Variants in DST observed in about 807,000 individuals in gnomAD.
DST encodes the protein bullous pemphigoid antigen.
Under a neutral mutation model 875.2 loss-of-function variants are expected in DST, and 253 were observed. The ratio of observed to expected loss-of-function variants is 0.29; its 90% CI spans 0.26 to 0.32. The LOEUF (loss-of-function observed/expected upper bound fraction) is 0.32, where lower values mean the gene tolerates loss of function less well. Among genes scored for constraint, DST ranks in the 10% least tolerant of loss-of-function variants. DST has a pLI of 1.00. For missense variants in DST, 8,287 were observed against 9,111.6 expected, an observed-to-expected ratio of 0.91 and a Z score of 3.68; for synonymous variants, 3,124 against 3,197.1, an observed-to-expected ratio of 0.98 and a Z score of 0.77.
intron 9 of DST, among the ~76,000 whole-genome samples, chr6:56,673,763 T>C (rs1388746528): frequency 6.6e-6 from 1 of 152,228 alleles, no homozygotes; most frequent in African/African-American, 2.4e-5. Context: ...TTACAATGCA[T>C]ATGCAAATGT....
chr6:56,583,464 T>C (rs1337695163), intron 49 of DST, among the ~76,000 whole-genome samples: 1 of 152,188 alleles, frequency 6.6e-6, no homozygotes, highest in African/African-American at 2.4e-5. Flanking sequence ...TCCCGTAAAT[T>C]TGTTGGAGTT....
intron 96 of DST, 30 bp downstream of exon 96, chr6:56,470,098 T>C (rs771604874): frequency 3.7e-6 from 6 of 1,610,216 alleles, no homozygotes. Context: ...ATACTATCAG[T>C]GTTGTACGCA....
At chr6:56,544,439 G>A (rs1031221679) in intron 61 of DST, among the ~76,000 whole-genome samples, 2 of 152,176 alleles carry the variant, frequency 1.3e-5, no homozygotes, top group African/African-American at 4.8e-5. Context: ...GCTAAGAGGA[G>A]CAACATATAA....
chr6:56,924,042 T>G (rs1428946830), intron 2 of DST, among the ~76,000 whole-genome samples: 1 of 152,088 alleles, frequency 6.6e-6, no homozygotes, highest in Non-Finnish European at 1.5e-5. Context: ...TTGAATCGCT[T>G]GAGCCTGGGA....
At chr6:56,513,476 T>G (rs937727488) in intron 72 of DST, among the ~76,000 whole-genome samples, 2 of 152,150 alleles carry the variant, frequency 1.3e-5, no homozygotes, top group Admixed American at 1.3e-4. Context: ...GTGGTCCACC[T>G]GCCTCGGCCT....
intron 4 of DST, among the ~76,000 whole-genome samples, chr6:56,783,635 G>A (rs1055402321): frequency 2.0e-5 from 3 of 151,966 alleles, no homozygotes; most frequent in African/African-American, 7.3e-5. Flanking sequence ...CGTGAGATGG[G>A]TTTCCTGAAT....
In DST at chr6:56,606,217, T is replaced by C; in HGVS notation, c.8411A>G (p.Gln2804Arg). Residue 2804 changes from glutamine to arginine, a missense_variant, in exon 40 of 104, where the codon CAG becomes CGG. Physicochemically the swap from Gln to Arg is conservative, Grantham distance 43. Coordinates refer to ENST00000680361, the MANE Select transcript of DST (RefSeq NM_001374736.1). Reference protein sequence around the residue: ...YGDYIYDSNDQDDDDDDGIDE... With the variant: ...YGDYIYDSNDRDDDDDDGIDE... ...AATGCCATCATCATCATCGTCATCC[T>C]GATCATTACTGTCATATATATAATC... 6.4e-7 allele frequency: 1 copy of C among 1,569,584 alleles called. No homozygotes were observed. Among genetic ancestry groups the C allele is most frequent in the Non-Finnish European group, 8.7e-7 (1 of 1,155,308 alleles).
At chr6:56,616,204 C>G (rs748272410) in intron 36 of DST, 1 of 1,614,178 alleles carries the variant, frequency 6.2e-7, no homozygotes, top group South Asian at 1.1e-5. Flanking sequence ...TGAGGCCTTC[C>G]TGATACTTTT....
chr6:56,494,061 A>C lies in DST; in HGVS notation c.20343T>G (p.Asn6781Lys). ...CCGATTCCCATTTTTCTTTCAAGTTATTTATGTCTTGGTCAATATTTGTCT... is the reference window on the plus strand; with the variant it reads ...CCGATTCCCATTTTTCTTTCAAGTTCTTTATGTCTTGGTCAATATTTGTCT... ...SAETNIDQDI[N>K]NLKEKWESVE... The change falls in exon 83 of 104, where the codon AAT becomes AAG. Residue 6781 changes from asparagine to lysine, a missense_variant. Asn to Lys is a moderately conservative substitution (Grantham distance 94, BLOSUM62 0). Around this residue, in one of 10 missense-constraint regions of DST, gnomAD observed 1,292 missense variants for 1,552.7 expected, o/e 0.83. Transcript: ENST00000680361. 1 of 1,606,698 alleles carries C rather than the reference A, an allele frequency of 6.2e-7. No homozygotes were observed. The highest frequency in any genetic ancestry group is 8.5e-7 in the Non-Finnish European group (1 of 1,176,332).
chr6:56,645,903 G>C lies in DST; in HGVS notation c.1741C>G (p.Leu581Val), dbSNP rs1404509922. The C allele has an allele frequency of 6.2e-7, 1 of 1,613,776 alleles. No individual in the cohort carries two copies. Among genetic ancestry groups the C allele is most frequent in the Admixed American group, 1.7e-5 (1 of 59,988 alleles). The part of the protein sequence containing the change: ...KEWGKLIIAM[L>V]EREKALRPEV... ...GGACGAAGGGCCTTCTCTCTCTCTAGCATGGCAATAATGAGTTTCCCCCAC... is the reference window on the plus strand; with the variant it reads ...GGACGAAGGGCCTTCTCTCTCTCTACCATGGCAATAATGAGTTTCCCCCAC... The change falls in exon 15 of 104, where the codon CTA becomes GTA. Residue 581 changes from leucine (L) to valine (V), a missense_variant. Physicochemically the swap from Leu to Val is conservative, Grantham distance 32. Around this residue, in one of 10 missense-constraint regions of DST, gnomAD observed 1,160 missense variants for 1,424.3 expected, o/e 0.81. Transcript: ENST00000680361.
chr6:56,808,109 G>C (rs1256759185), intron 4 of DST, among the ~76,000 whole-genome samples: 2 of 152,134 alleles, frequency 1.3e-5, no homozygotes, highest in Admixed American at 1.3e-4. Context: ...TACCTAGAAA[G>C]GGTGAGTCTC....
chr6:56,887,471 G>A (rs75917700), intron 3 of DST, among the ~76,000 whole-genome samples: 482 of 152,258 alleles, frequency 3.2e-3, no homozygotes, highest in Non-Finnish European at 4.5e-3. Flanking sequence ...TCTTACCAGA[G>A]CAATTTAAGG....
intron 34 of DST, among the ~76,000 whole-genome samples, chr6:56,625,552 T>C (rs964178491): frequency 6.6e-6 from 1 of 152,044 alleles, no homozygotes; most frequent in South Asian, 2.1e-4. Flanking sequence ...CGTGGCACAA[T>C]GCATTACTCA....
chr6:56,619,876 T>G (rs146716869), intron 36 of DST: 2 of 1,614,078 alleles, frequency 1.2e-6, no homozygotes, highest in African/African-American at 1.3e-5. Context: ...TAAGTTCATA[T>G]GTCAGCTCTC....
intron 4 of DST, among the ~76,000 whole-genome samples, chr6:56,745,115 C>T (rs537902461): frequency 4.6e-5 from 7 of 152,272 alleles, no homozygotes; most frequent in East Asian, 1.9e-4. Context: ...AAGGAAGGTC[C>T]TTACCAGGAA....
chr6:56,613,967 C>T (rs2098582661), intron 37 of DST, among the ~76,000 whole-genome samples: 1 of 152,124 alleles, frequency 6.6e-6, no homozygotes, highest in African/African-American at 2.4e-5. Flanking sequence ...TTTATGTTTA[C>T]ATCTGTAAGA....
At position 56,562,193 on chromosome 6, in the gene DST, T is replaced by A; in HGVS notation, c.14013A>T (p.Ala4671=). The A allele has an allele frequency of 6.5e-7, 1 of 1,540,938 alleles. No homozygotes were observed. Among genetic ancestry groups the A allele is most frequent in the Non-Finnish European group, 8.8e-7 (1 of 1,141,730 alleles). ...KAIAAVKSGG[A]VLNGEGTATN... is the part of the protein sequence containing the mutation. ...TGGCTGTTCCTTCACCATTTAATACTGCTCCACCTGCAAAAATAGTAACAC... is the reference window on the plus strand; with the variant it reads ...TGGCTGTTCCTTCACCATTTAATACAGCTCCACCTGCAAAAATAGTAACAC... The change falls in exon 56 of 104, where the codon GCA becomes GCT. Residue 4671 remains alanine, a synonymous_variant. Transcript: ENST00000680361.
rs143239593 is a variant in DST, at chr6:56,629,252, G to A, written c.4473C>T (p.Asn1491=). The A allele has an allele frequency of 5.3e-5, 85 of 1,613,586 alleles. No homozygotes were observed. In the African/African-American group the frequency reaches 9.2e-4, roughly 17 times the overall value. Residue 1491 remains asparagine (N), a splice_region_variant and synonymous_variant, in exon 32 of 104, where the codon AAC becomes AAT. Coordinates refer to ENST00000680361, the MANE Select transcript of DST (RefSeq NM_001374736.1). ...ACTGAACAAAAAAGGATACTAACCTGTTGTCAATCTGCACATGAACATTTT... is the reference window on the plus strand; with the variant it reads ...ACTGAACAAAAAAGGATACTAACCTATTGTCAATCTGCACATGAACATTTT... ...RWQNVHVQID[N]RLRDLEGIGK...
At chr6:56,486,804 G>C (rs1176521953) in intron 87 of DST, among the ~76,000 whole-genome samples, 2 of 152,152 alleles carry the variant, frequency 1.3e-5, no homozygotes, top group African/African-American at 4.8e-5. Context: ...TAGAAATTAA[G>C]TCAAAGAAGT....
Sources: gnomAD v4.1 joint callset for allele counts (sites outside exome capture counted in the v4.1 genomes callset) on GRCh38, gnomAD v4.1.1 for gene constraint, gnomAD v4.1.1 regional missense constraint, MANE v1.5 for transcripts, NCBI Gene and HGNC (gene_info 2026-07-23, HGNC 2026-07-21) for gene names.